The following PARD3B variants were observed in gnomAD, a reference collection of about 807,000 sequenced individuals.
The protein encoded by PARD3B is par-3 family cell polarity regulator beta, also known as partitioning defective 3 homolog B.
A neutral mutation model predicts 130.2 loss-of-function variants in PARD3B; 103 were observed. That is an observed-to-expected ratio of 0.79 (90% CI 0.67 to 0.93). PARD3B has a LOEUF of 0.93. Among genes scored for constraint, PARD3B ranks in the 40% least tolerant of loss-of-function variants. The pLI, the probability that PARD3B is intolerant of heterozygous loss-of-function variation, is 0.00. For synonymous variants in PARD3B, 583 were observed against 553.2 expected, an observed-to-expected ratio of 1.05 and a Z score of -0.76; for missense variants, 1,609 against 1,499.2, an observed-to-expected ratio of 1.07 and a Z score of -1.21.
chr2:205,036,918 A>G (rs1575605373), intron 3 of PARD3B, among the ~76,000 whole-genome samples: 2 of 151,404 alleles, frequency 1.3e-5, no homozygotes, highest in South Asian at 4.1e-4. Flanking sequence ...AGCGGACTGT[A>G]TATATAAAAA....
intron 2 of PARD3B, among the ~76,000 whole-genome samples, chr2:204,954,349 A>G (rs778261134): frequency 7.9e-5 from 12 of 152,136 alleles, no homozygotes; most frequent in Admixed American, 7.2e-4. Context: ...TCATCCTCCA[A>G]TCAGGCTATA....
intron 18 of PARD3B, among the ~76,000 whole-genome samples, chr2:205,324,819 C>T (rs1005016998): frequency 2.0e-5 from 3 of 152,104 alleles, no homozygotes; most frequent in African/African-American, 7.2e-5. Context: ...ACTCTGGACT[C>T]ATAATACATG....
Position 205,021,228 on chromosome 2 carries a change from A to G in PARD3B, c.395-26353A>G, listed in dbSNP as rs1305012296. Among the ~76,000 whole-genome samples, 1 of 152,202 alleles carries G rather than the reference A, an allele frequency of 6.6e-6. No homozygotes were observed. The highest frequency in any genetic ancestry group is 1.9e-4 in the East Asian group (1 of 5,202). On this transcript the variant is annotated intron_variant, in intron 3 of 22. Coordinates refer to ENST00000406610, the MANE Select transcript of PARD3B (RefSeq NM_001302769.2). The surrounding 1 kb of genome is among the most constrained non-coding windows in gnomAD (Gnocchi z 4.5). ...AAAGCACTATTTTATATAGTTTGGT[A>G]GAAATACATCCACACTGTATGAGTC...
chr2:205,223,091 G>A (rs906815822), intron 15 of PARD3B, among the ~76,000 whole-genome samples: 1 of 152,096 alleles, frequency 6.6e-6, no homozygotes, highest in Admixed American at 6.5e-5. Context: ...GTCCCAGAAG[G>A]AGTAACAGTG....
intron 15 of PARD3B, among the ~76,000 whole-genome samples, chr2:205,228,773 T>A (rs936795407): frequency 1.3e-5 from 2 of 151,450 alleles, no homozygotes; most frequent in Non-Finnish European, 2.9e-5. Context: ...TTTCTAGATC[T>A]TGTAGGTGTG....
intron 15 of PARD3B, among the ~76,000 whole-genome samples, chr2:205,202,646 T>C (rs2037057061): frequency 6.6e-6 from 1 of 152,156 alleles, no homozygotes; most frequent in Non-Finnish European, 1.5e-5. Flanking sequence ...GAATAAGAGG[T>C]ACAACTTTCT....
chr2:204,842,907 G>C (rs1368525427), intron 2 of PARD3B, among the ~76,000 whole-genome samples: 9 of 152,004 alleles, frequency 5.9e-5, no homozygotes, highest in Non-Finnish European at 7.4e-5. Context: ...ACCAGAATAG[G>C]AGAAAGTAGG....
intron 4 of PARD3B, among the ~76,000 whole-genome samples, chr2:205,050,843 T>C (rs1699140265): frequency 6.6e-6 from 1 of 152,048 alleles, no homozygotes. Flanking sequence ...GTTTGAGTCC[T>C]GGGGAAGATC....
chr2:204,772,783 T>C (rs2041445304), intron 2 of PARD3B, among the ~76,000 whole-genome samples: 2 of 152,198 alleles, frequency 1.3e-5, no homozygotes, highest in Admixed American at 1.3e-4. Flanking sequence ...GGAAAATGAT[T>C]GTATTTTGTA....
chr2:204,590,372 A>G (rs1234753386), intron 1 of PARD3B, among the ~76,000 whole-genome samples: 1 of 152,206 alleles, frequency 6.6e-6, no homozygotes, highest in Non-Finnish European at 1.5e-5. Flanking sequence ...GGAAACACAG[A>G]TGCGCAGTTT....
At chr2:205,315,591 A>G (rs1238280848) in intron 18 of PARD3B, among the ~76,000 whole-genome samples, 1 of 152,184 alleles carries the variant, frequency 6.6e-6, no homozygotes, top group Non-Finnish European at 1.5e-5. Context: ...AGGGACCTCT[A>G]GAAAAATCAT....
At chr2:204,790,319 C>T (rs1377556371) in intron 2 of PARD3B, among the ~76,000 whole-genome samples, 1 of 152,140 alleles carries the variant, frequency 6.6e-6, no homozygotes, top group African/African-American at 2.4e-5. Context: ...GTCTTGAGTA[C>T]CTGGAATTCT....
intron 1 of PARD3B, among the ~76,000 whole-genome samples, chr2:204,568,854 C>G (rs1257457644): frequency 6.6e-6 from 1 of 150,942 alleles, no homozygotes; most frequent in Non-Finnish European, 1.5e-5. Context: ...ACTCGGGGGG[C>G]TGAGGTAGGG....
intron 4 of PARD3B, chr2:205,048,499 A>G (rs1418102016): frequency 6.6e-6 from 1 of 152,218 alleles, no homozygotes; most frequent in Non-Finnish European, 1.5e-5. Context: ...TAATGACTAT[A>G]TACCATTGCA....
intron 21 of PARD3B, among the ~76,000 whole-genome samples, chr2:205,536,230 G>T (rs62173223): frequency 0.13 from 20,119 of 150,540 alleles, 1,793 homozygotes; most frequent in Admixed American, 0.22. Flanking sequence ...GTGTGCTATT[G>T]GAAATGATGG....
At chr2:204,688,423 C>CA (rs1241686959) in intron 2 of PARD3B, among the ~76,000 whole-genome samples, 2 of 151,534 alleles carry the variant, frequency 1.3e-5, no homozygotes, top group African/African-American at 2.4e-5. Context: ...ACTAAAAATA[C>CA]AAAAAAATTA....
At position 205,052,472 on chromosome 2, in the gene PARD3B, C is replaced by T. The variant is rs189745863; in HGVS notation, c.504+4782C>T. Among the ~76,000 whole-genome samples, 1,019 of 134,436 alleles carry T rather than the reference C, an allele frequency of 7.6e-3. 22 individuals are homozygous for T. The highest frequency in any genetic ancestry group is 0.027 in the African/African-American group (981 of 35,918). 88.2% of individuals were successfully genotyped at this position (134,436 alleles called of 152,430 possible). A position where few individuals can be genotyped will look rare whatever the true frequency, so the allele number is the denominator to read the frequency against. On this transcript the variant is annotated intron_variant, in intron 4 of 22. Transcript: ENST00000406610. The stretch of plus-strand genomic sequence containing the variant: ...ATATAAAATTAAAAAAATAAGCTGG[C>T]AGATTTGGGGGTTGTTAAATTAGAA...
At chr2:204,978,392 G>A (rs925232750) in intron 3 of PARD3B, among the ~76,000 whole-genome samples, 2 of 152,154 alleles carry the variant, frequency 1.3e-5, no homozygotes, top group Non-Finnish European at 2.9e-5. Flanking sequence ...CCCTCAAGGT[G>A]TTCACAATTC....
chr2:205,521,573 A>G (rs1240678125), intron 21 of PARD3B, among the ~76,000 whole-genome samples: 2 of 151,402 alleles, frequency 1.3e-5, no homozygotes, highest in African/African-American at 2.4e-5. Flanking sequence ...TTTTCTATTA[A>G]TGTGAGAGTT....
Sources: allele counts gnomAD v4.1 joint callset (sites outside exome capture counted in the v4.1 genomes callset), GRCh38; gene constraint gnomAD v4.1.1; non-coding constraint Gnocchi (gnomAD v3.1); transcripts MANE v1.5; gene names NCBI Gene and HGNC (gene_info 2026-07-23, HGNC 2026-07-21).